The following EDIL3 variants were observed in gnomAD, a reference collection of about 807,000 sequenced individuals.
The protein encoded by EDIL3 is EGF-like repeat and discoidin I-like domain-containing protein 3.
EDIL3 carries 37 observed loss-of-function variants against 67.4 expected under a neutral mutation model. The ratio of observed to expected loss-of-function variants is 0.55; its 90% CI spans 0.42 to 0.72. The LOEUF is 0.72. Ranked by LOEUF, EDIL3 falls within the 30% of genes least tolerant of loss-of-function variation. The pLI is 0.00. For synonymous variants in EDIL3, 195 were observed against 196.3 expected (o/e 0.99, Z 0.05); for missense variants, 527 against 586.3 (o/e 0.90, Z 1.04).
chr5:84,001,458 G>A (rs1055205249), intron 9 of EDIL3, among the ~76,000 whole-genome samples: 1 of 151,868 alleles, frequency 6.6e-6, no homozygotes, highest in Non-Finnish European at 1.5e-5. Flanking sequence ...AAAGATCACA[G>A]TAGAAATAAA....
chr5:84,140,377 T>A (rs1218684426), intron 4 of EDIL3, among the ~76,000 whole-genome samples: 1 of 152,190 alleles, frequency 6.6e-6, no homozygotes, highest in African/African-American at 2.4e-5. Flanking sequence ...CTATTAACGA[T>A]ACAAAGACAC....
chr5:84,210,276 A>AAT (rs1367867697), intron 3 of EDIL3, among the ~76,000 whole-genome samples: 1 of 152,152 alleles, frequency 6.6e-6, no homozygotes, highest in East Asian at 1.9e-4. Context: ...CTGAAATGAA[A>AAT]ATAAATAAGG....
chr5:84,072,824 C>G (rs76142137), intron 6 of EDIL3, among the ~76,000 whole-genome samples: 15,224 of 151,882 alleles, frequency 0.1, 1,179 homozygotes, highest in East Asian at 0.44. Flanking sequence ...GAGGGAGTAA[C>G]AGAGGGGGTG....
At chr5:84,142,397 A>AACTAATT (rs1748216247) in intron 4 of EDIL3, among the ~76,000 whole-genome samples, 1 of 152,012 alleles carries the variant, frequency 6.6e-6, no homozygotes, top group Admixed American at 6.6e-5. Context: ...AGACTTTTAA[A>AACTAATT]ACTAATTAGT....
At chr5:84,045,546 T>C (rs1328919608) in intron 9 of EDIL3, among the ~76,000 whole-genome samples, 1 of 152,164 alleles carries the variant, frequency 6.6e-6, no homozygotes, top group Non-Finnish European at 1.5e-5. Context: ...TTTTAAAATA[T>C]AAACTAATTC....
At chr5:84,353,122 A>T (rs925834518) in intron 1 of EDIL3, among the ~76,000 whole-genome samples, 1 of 152,208 alleles carries the variant, frequency 6.6e-6, no homozygotes, top group African/African-American at 2.4e-5. Flanking sequence ...TGCTGCACCC[A>T]ATCAAAATTA....
chr5:84,025,736 T>C (rs1284062285), intron 9 of EDIL3, among the ~76,000 whole-genome samples: 2 of 152,194 alleles, frequency 1.3e-5, no homozygotes, highest in East Asian at 3.8e-4. Flanking sequence ...AAAGCAATTA[T>C]GCCAGCATAA....
chr5:84,218,088 T>C lies in EDIL3; in HGVS notation c.226+11767A>G, dbSNP rs141947546. On this transcript the variant is annotated intron_variant, in intron 3 of 10. Coordinates refer to ENST00000296591, the MANE Select transcript of EDIL3 (RefSeq NM_005711.5). ...TATCTTTCAACATTATAACAGAAGT[T>C]TTAAAAAGTTGAATTTCTAACGCTG... Among the ~76,000 whole-genome samples the C allele has an allele frequency of 3.3e-3, 496 of 152,264 alleles. 4 individuals carry two copies. The highest frequency in any genetic ancestry group is 0.012 in the African/African-American group (485 of 41,552).
intron 10 of EDIL3, among the ~76,000 whole-genome samples, chr5:83,962,766 T>C (rs1744626591): frequency 6.6e-6 from 1 of 151,620 alleles, no homozygotes; most frequent in South Asian, 2.1e-4. Context: ...AATATAAATG[T>C]TTAAAAATAA....
At chr5:84,099,450 C>T (rs1438175741) in intron 6 of EDIL3, among the ~76,000 whole-genome samples, 1 of 152,166 alleles carries the variant, frequency 6.6e-6, no homozygotes, top group East Asian at 1.9e-4. Context: ...TGATCTTTGA[C>T]AAACCTGACC....
intron 2 of EDIL3, among the ~76,000 whole-genome samples, chr5:84,246,311 C>A (rs1434401122): frequency 2.0e-5 from 3 of 152,196 alleles, no homozygotes; most frequent in Admixed American, 2.0e-4. Context: ...TCTTACTACT[C>A]TTGACACCTT....
intron 6 of EDIL3, among the ~76,000 whole-genome samples, chr5:84,085,384 ATGT>A (rs905333961): frequency 2.0e-5 from 3 of 151,418 alleles, no homozygotes; most frequent in Non-Finnish European, 2.9e-5. Context: ...TTTTTTGTTG[ATGT>A]TGTTGTTGTT....
chr5:84,252,493 C>CAAAAAAAAAAAAAAAAAAAAAAAAAA lies in EDIL3; in HGVS notation c.196+1590_196+1591insTTTTTTTTTTTTTTTTTTTTTTTTTT, dbSNP rs70975548. Among the ~76,000 whole-genome samples, 98 of 28,938 alleles carry CAAAAAAAAAAAAAAAAAAAAAAAAAA rather than the reference C, an allele frequency of 3.4e-3. 21 individuals are homozygous for CAAAAAAAAAAAAAAAAAAAAAAAAAA. Among genetic ancestry groups the CAAAAAAAAAAAAAAAAAAAAAAAAAA allele is most frequent in the East Asian group, 0.025 (9 of 366 alleles). 19.0% of individuals were successfully genotyped at this position (28,938 alleles called of 152,430 possible). A position where few individuals can be genotyped will look rare whatever the true frequency, so the allele number is the denominator to read the frequency against. On this transcript the variant is annotated intron_variant, in intron 2 of 10. Coordinates refer to ENST00000296591, the MANE Select transcript of EDIL3 (RefSeq NM_005711.5). ...TGTGCGACAAAGTGAGACTCCGTCT[C>CAAAAAAAAAAAAAAAAAAAAAAAAAA]AAAAAAAAAAAAAAAAAAAAAAAAA...
chr5:84,351,179 C>G (rs1747349847), intron 1 of EDIL3, among the ~76,000 whole-genome samples: 1 of 152,100 alleles, frequency 6.6e-6, no homozygotes, highest in African/African-American at 2.4e-5. Context: ...ACAGATGTTT[C>G]CAGGAAACTG....
At chr5:84,190,177 A>C (rs1382540200) in intron 3 of EDIL3, among the ~76,000 whole-genome samples, 1 of 152,040 alleles carries the variant, frequency 6.6e-6, no homozygotes, top group African/African-American at 2.4e-5. Flanking sequence ...AACGATTTCC[A>C]TGCAAAATTT....
At chr5:84,156,815 A>T (rs1012161563) in intron 4 of EDIL3, among the ~76,000 whole-genome samples, 6 of 152,184 alleles carry the variant, frequency 3.9e-5, no homozygotes, top group African/African-American at 1.4e-4. Flanking sequence ...TCTTGGTCCC[A>T]GAGTTTGTTC....
At chr5:84,291,374 C>T (rs1419655994) in intron 1 of EDIL3, among the ~76,000 whole-genome samples, 1 of 152,046 alleles carries the variant, frequency 6.6e-6, no homozygotes, top group Non-Finnish European at 1.5e-5. Context: ...GGAACAATCG[C>T]ACTTTTTAAG....
chr5:84,175,657 T>C (rs1444346418), intron 4 of EDIL3, among the ~76,000 whole-genome samples: 1 of 152,232 alleles, frequency 6.6e-6, no homozygotes, highest in African/African-American at 2.4e-5. Context: ...AAATGCCGAA[T>C]GACGCTTCAT....
intron 6 of EDIL3, among the ~76,000 whole-genome samples, chr5:84,070,593 T>C (rs1746721266): frequency 6.7e-6 from 1 of 148,448 alleles, no homozygotes; most frequent in African/African-American, 2.5e-5. Context: ...CATTTAGGGC[T>C]ACTATGGTTA....
Sources: gnomAD v4.1 joint callset for allele counts (sites outside exome capture counted in the v4.1 genomes callset) on GRCh38, gnomAD v4.1.1 for gene constraint, MANE v1.5 for transcripts, NCBI Gene and HGNC (gene_info 2026-07-23, HGNC 2026-07-21) for gene names.